Variants in RASAL2 observed in about 807,000 individuals in gnomAD.
RASAL2 encodes the protein RAS protein activator like 2.
A neutral mutation model predicts 128.9 loss-of-function variants in RASAL2; 58 were observed. The observed-to-expected ratio is 0.45, with a 90% CI of 0.36 to 0.56. The LOEUF (loss-of-function observed/expected upper bound fraction) is 0.56. Among genes scored for constraint, RASAL2 ranks in the 20% least tolerant of loss-of-function variants. RASAL2 has a pLI of 0.00. For synonymous variants in RASAL2, 561 were observed against 580.8 expected, an observed-to-expected ratio of 0.97 and a Z score of 0.49; for missense variants, 1,360 against 1,601.6, an observed-to-expected ratio of 0.85 and a Z score of 2.57.
chr1:178,356,026 C>T lies in RASAL2; in HGVS notation c.458-34074C>T, dbSNP rs781637930. Among the ~76,000 whole-genome samples, 115 of 151,942 alleles carry T rather than the reference C, an allele frequency of 7.6e-4. 1 individual carries two copies. Among genetic ancestry groups the T allele is most frequent in the Middle Eastern group, 3.4e-3 (1 of 292 alleles). The stretch of plus-strand genomic sequence containing the variant: ...TCTACTGAAAATACAAAAAATTAGC[C>T]GGGATGGTGGCGGGCACCTGTAATC... On this transcript the variant is annotated intron_variant, in intron 3 of 17. Coordinates refer to ENST00000367649, the MANE Select transcript of RASAL2 (RefSeq NM_170692.4).
chr1:178,317,716 A>T (rs1447129675), intron 3 of RASAL2, among the ~76,000 whole-genome samples: 2 of 145,832 alleles, frequency 1.4e-5, no homozygotes, highest in African/African-American at 2.5e-5. Flanking sequence ...GCGGTCTATC[A>T]ATTTTGTTGA....
chr1:178,368,616 T>C (rs927005983), intron 3 of RASAL2, among the ~76,000 whole-genome samples: 5 of 151,892 alleles, frequency 3.3e-5, no homozygotes, highest in Non-Finnish European at 5.9e-5. Context: ...TAGAAAATTA[T>C]AGTCAAACAT....
chr1:178,323,476 TACTAAATATCATTGC>T (rs1668890671), intron 3 of RASAL2, among the ~76,000 whole-genome samples: 1 of 152,228 alleles, frequency 6.6e-6, no homozygotes, highest in Non-Finnish European at 1.5e-5. Context: ...ATTAGAGAAT[TACTAAATATCATTGC>T]ACAGCCACAG....
chr1:178,299,226 A>G (rs1294962659), intron 2 of RASAL2, among the ~76,000 whole-genome samples: 1 of 152,188 alleles, frequency 6.6e-6, no homozygotes, highest in Non-Finnish European at 1.5e-5. Flanking sequence ...CAACTCTAAA[A>G]TTGAAGAACA....
chr1:178,175,437 C>CGTGTGTGTGTGTGTGT (rs1158552851), intron 1 of RASAL2, among the ~76,000 whole-genome samples: 97 of 144,436 alleles, frequency 6.7e-4, no homozygotes, highest in East Asian at 1.8e-3. Flanking sequence ...TACATGGTTA[C>CGTGTGTGTGTGTGTGT]GTGTGTGTGT....
At chr1:178,438,899 G>GTGTGTA (rs1169967757) in intron 5 of RASAL2, among the ~76,000 whole-genome samples, 1 of 149,272 alleles carries the variant, frequency 6.7e-6, no homozygotes, top group Non-Finnish European at 1.5e-5. Flanking sequence ...GTGTGTGTGT[G>GTGTGTA]TGTGTGTGTG....
intron 1 of RASAL2, among the ~76,000 whole-genome samples, chr1:178,164,357 A>G (rs1263425672): frequency 6.6e-6 from 1 of 152,146 alleles, no homozygotes; most frequent in African/African-American, 2.4e-5. Flanking sequence ...AGAGAGATTA[A>G]TGTCTTTTCT....
chr1:178,150,603 A>G (rs913850272), intron 1 of RASAL2, among the ~76,000 whole-genome samples: 2 of 152,234 alleles, frequency 1.3e-5, no homozygotes, highest in African/African-American at 2.4e-5. Context: ...GTATTTCAAT[A>G]TAAAAATATT....
intron 1 of RASAL2, among the ~76,000 whole-genome samples, chr1:178,182,150 ATT>A (rs2101931098): frequency 6.6e-6 from 1 of 152,270 alleles, no homozygotes; most frequent in African/African-American, 2.4e-5. Context: ...ACTCATGGAT[ATT>A]TATTCATACC....
intron 4 of RASAL2, among the ~76,000 whole-genome samples, chr1:178,403,224 C>G (rs1381147060): frequency 6.6e-6 from 1 of 152,134 alleles, no homozygotes; most frequent in Non-Finnish European, 1.5e-5. Flanking sequence ...CCTTAACCAC[C>G]AGATTTAGTT....
At chr1:178,439,931 A>G (rs551775895) in intron 6 of RASAL2, among the ~76,000 whole-genome samples, 2 of 151,986 alleles carry the variant, frequency 1.3e-5, no homozygotes, top group East Asian at 3.9e-4. Context: ...CCACAGCATC[A>G]GTGGTTCAAG....
At position 178,442,724 on chromosome 1, in the gene RASAL2, C is replaced by T; in HGVS notation, c.977C>T (p.Ala326Val). The change falls in exon 8 of 18, where the codon GCC becomes GTC. Residue 326 changes from alanine (A) to valine (V), a missense_variant. Ala to Val is a moderately conservative substitution (Grantham distance 64). Transcript: ENST00000367649. Reference sequence around the variant, plus strand: ...GTTCTTCGTTTATGGATCATTGAAGCCAAGGACCTTGCCCCTAAAAAGAAA... The same window carrying T: ...GTTCTTCGTTTATGGATCATTGAAGTCAAGGACCTTGCCCCTAAAAAGAAA... ...ENVLRLWIIE[A>V]KDLAPKKKYF... is the part of the protein sequence containing the mutation. 1.2e-6 allele frequency: 2 copies of T among 1,613,448 alleles called. No individual in the cohort carries two copies. Among genetic ancestry groups the T allele is most frequent in the Non-Finnish European group, 1.7e-6 (2 of 1,179,778 alleles).
chr1:178,268,926 A>G (rs1430226342), intron 1 of RASAL2, among the ~76,000 whole-genome samples: 2 of 152,012 alleles, frequency 1.3e-5, no homozygotes, highest in Non-Finnish European at 2.9e-5. Flanking sequence ...TCTCTCCTGT[A>G]TTGGAGCACC....
intron 11 of RASAL2, 27 bp downstream of exon 11, chr1:178,452,679 A>G (rs1342221490): frequency 6.4e-7 from 1 of 1,563,476 alleles, no homozygotes. Flanking sequence ...TAACCACTTT[A>G]AAAACACAGT....
At chr1:178,258,941 T>A (rs1032548037) in intron 1 of RASAL2, among the ~76,000 whole-genome samples, 22 of 152,078 alleles carry the variant, frequency 1.4e-4, no homozygotes, top group Admixed American at 5.2e-4. Flanking sequence ...AAGAATGTAG[T>A]ACTAACACTT....
chr1:178,151,254 A>G (rs1660905848), intron 1 of RASAL2, among the ~76,000 whole-genome samples: 3 of 152,066 alleles, frequency 2.0e-5, no homozygotes, highest in Admixed American at 2.0e-4. Flanking sequence ...AAAAATACAA[A>G]AATTAGCCAG....
At chr1:178,138,839 G>A (rs770000420) in intron 1 of RASAL2, among the ~76,000 whole-genome samples, 1 of 151,976 alleles carries the variant, frequency 6.6e-6, no homozygotes, top group South Asian at 2.1e-4. Context: ...TATATATAAG[G>A]TAGTTAGAAC....
intron 1 of RASAL2, among the ~76,000 whole-genome samples, chr1:178,200,588 T>C (rs1215548478): frequency 3.3e-5 from 5 of 152,112 alleles, no homozygotes; most frequent in Admixed American, 1.3e-4. Flanking sequence ...GAGAGTCTTA[T>C]CTCCTGTAGA....
intron 1 of RASAL2, among the ~76,000 whole-genome samples, chr1:178,273,992 G>A (rs1666378354): frequency 6.6e-6 from 1 of 152,170 alleles, no homozygotes; most frequent in South Asian, 2.1e-4. Context: ...CACCTTGATA[G>A]TTTTCACTGT....
Sources: allele counts gnomAD v4.1 joint callset (sites outside exome capture counted in the v4.1 genomes callset), GRCh38; gene constraint gnomAD v4.1.1; transcripts MANE v1.5; gene names NCBI Gene and HGNC (gene_info 2026-07-23, HGNC 2026-07-21).